Variants in RRP1 observed in about 807,000 individuals in gnomAD.
RRP1 encodes ribosomal RNA processing 1.
RRP1 carries 37 observed loss-of-function variants against 54.6 expected under a neutral mutation model. The observed-to-expected ratio is 0.68, with a 90% CI of 0.52 to 0.89. The LOEUF (loss-of-function observed/expected upper bound fraction) is 0.89, where lower values mean the gene tolerates loss of function less well. Among genes scored for constraint, RRP1 ranks in the 40% least tolerant of loss-of-function variants. RRP1 has a pLI of 0.00. For synonymous variants in RRP1, 262 were observed against 244.3 expected, an observed-to-expected ratio of 1.07 and a Z score of -0.67; for missense variants, 639 against 612.5, an observed-to-expected ratio of 1.04 and a Z score of -0.46.
At chr21:43,791,824 T>A (rs146566789) in intron 2 of RRP1, among the ~76,000 whole-genome samples, 59 of 152,288 alleles carry the variant, frequency 3.9e-4, no homozygotes, top group Non-Finnish European at 8.2e-4. Flanking sequence ...AGTTTTAATA[T>A]GGCCAGAGAC....
Position 43,802,265 on chromosome 21 carries a change from G to C in RRP1, c.1010-9G>C. 2 of 1,609,078 alleles carry C rather than the reference G, an allele frequency of 1.2e-6. No individual in the cohort carries two copies. Among genetic ancestry groups the C allele is most frequent in the Non-Finnish European group, 1.7e-6 (2 of 1,176,136 alleles). On this transcript the variant is annotated splice_polypyrimidine_tract_variant and intron_variant, in intron 11 of 12. Coordinates refer to ENST00000497547, the MANE Select transcript of RRP1 (RefSeq NM_003683.6). Reference sequence around the variant, plus strand: ...CCGAGAGCCCCCTGACTTCTGCCCTGGTTCTCAGGCATTTTCCCTGAAGAT... The same window carrying C: ...CCGAGAGCCCCCTGACTTCTGCCCTCGTTCTCAGGCATTTTCCCTGAAGAT...
intron 1 of RRP1, among the ~76,000 whole-genome samples, chr21:43,790,191 A>G (rs2084942397): frequency 6.6e-6 from 1 of 152,154 alleles, no homozygotes; most frequent in Non-Finnish European, 1.5e-5. Flanking sequence ...CCGAGAATCT[A>G]CTTCTTGTTC....
Position 43,792,725 on chromosome 21 carries a change from G to A in RRP1, c.270G>A (p.Glu90=), listed in dbSNP as rs2084973396. 6.2e-7 allele frequency: 1 copy of A among 1,614,148 alleles called. No individual in the cohort carries two copies. Among genetic ancestry groups the A allele is most frequent in the Non-Finnish European group, 8.5e-7 (1 of 1,180,004 alleles). ...SQLVHAFQTT[E]AQHLFLQAFW... ...TCGTTCATGCTTTTCAGACCACGGA[G>A]GCGCGTGAGTATGCTCTGCTGTAGT... Residue 90 remains glutamate, a synonymous_variant, in exon 3 of 13, where the codon GAG becomes GAA. Transcript: ENST00000497547.
Position 43,803,593 on chromosome 21 carries a change from C to T in RRP1, c.1205C>T (p.Ala402Val), listed in dbSNP as rs756802588. The T allele has an allele frequency of 1.7e-4, 270 of 1,552,130 alleles. 1 individual carries two copies. Among genetic ancestry groups the T allele is most frequent in the South Asian group, 1.3e-4 (11 of 84,206 alleles). ...AGGGGTGTAGGGGCCGACCCCGAGG[C>T]GCGGGCAGAGGCTGGTGAGCAGCCA... is the stretch of plus-strand genomic sequence containing the variant. ...RRRGVGADPEARAEAGEQPGT... is the reference protein window; with the variant it reads ...RRRGVGADPEVRAEAGEQPGT... Residue 402 changes from alanine (A) to valine (V), a missense_variant, in exon 13 of 13, where the codon GCG (alanine) becomes GTG (valine). Physicochemically the swap from Ala to Val is moderately conservative, Grantham distance 64 (BLOSUM62 0). Coordinates refer to ENST00000497547, the MANE Select transcript of RRP1 (RefSeq NM_003683.6).
intron 5 of RRP1, among the ~76,000 whole-genome samples, chr21:43,796,135 G>GT (rs955861028): frequency 1.7e-3 from 248 of 144,394 alleles, no homozygotes; most frequent in East Asian, 6.2e-3. Context: ...CTGGTTTTTT[G>GT]TTTTTTTTTT....
rs558770199 is a variant in RRP1, at chr21:43,795,400, A to C, written c.422+150A>C. The C allele has an allele frequency of 3.6e-4, 271 of 761,466 alleles. 1 individual carries two copies. In the Middle Eastern group the frequency reaches 5.3e-3, roughly 15 times the overall value. 47.2% of individuals were successfully genotyped at this position (761,466 alleles called of 1,614,324 possible). ...TTAGAGAGAAGATAGTTTTTAAAGTAAAAATCAGTTTGTGTGTTTGTGGAA... is the reference window on the plus strand; with the variant it reads ...TTAGAGAGAAGATAGTTTTTAAAGTCAAAATCAGTTTGTGTGTTTGTGGAA... On this transcript the variant is annotated intron_variant, in intron 5 of 12. Coordinates refer to ENST00000497547, the MANE Select transcript of RRP1 (RefSeq NM_003683.6).
intron 12 of RRP1, among the ~76,000 whole-genome samples, chr21:43,802,790 T>C (rs1220434001): frequency 6.6e-6 from 1 of 152,190 alleles, no homozygotes; most frequent in Non-Finnish European, 1.5e-5. Flanking sequence ...TCCACTTCTG[T>C]CCTTGATTTC....
At chr21:43,799,714 G>A in intron 9 of RRP1, 65 bp downstream of exon 9, 4 of 1,454,512 alleles carry the variant, frequency 2.8e-6, no homozygotes, top group Non-Finnish European at 2.8e-6. Flanking sequence ...GCTTGCTCTG[G>A]AAGAGGAGGG....
chr21:43,792,949 C>T, intron 3 of RRP1: 1 of 586,776 alleles, frequency 1.7e-6, no homozygotes, highest in South Asian at 2.1e-5. Context: ...TCATTTCGAG[C>T]CTAATGGGCT....
intron 8 of RRP1, among the ~76,000 whole-genome samples, chr21:43,798,919 C>T (rs1173939124): frequency 1.3e-5 from 2 of 151,696 alleles, no homozygotes; most frequent in African/African-American, 4.9e-5. Context: ...CCCACCGCCC[C>T]CAGCACTTGG....
intron 2 of RRP1, 108 bp downstream of exon 2, chr21:43,791,540 T>C: frequency 3.0e-6 from 3 of 1,015,430 alleles, no homozygotes; most frequent in Non-Finnish European, 4.4e-6. Flanking sequence ...TTCGCTCTTG[T>C]TGCCCAGGCT....
Position 43,803,918 on chromosome 21 carries a change from A to T in RRP1, c.*144A>T. ...GGGAGGGAAGGGCGGCACTGGAGAG[A>T]TGGGCCCATCATTAGGGGCCAGCAT... On this transcript the variant is annotated 3_prime_UTR_variant, in exon 13 of 13. Coordinates refer to ENST00000497547, the MANE Select transcript of RRP1 (RefSeq NM_003683.6). 2.0e-6 allele frequency: 2 copies of T among 1,007,762 alleles called. No homozygotes were observed. Among genetic ancestry groups the T allele is most frequent in the Non-Finnish European group, 2.8e-6 (2 of 710,646 alleles). The allele number at this position is 1,007,762 out of a possible 1,614,324, so 62.4% of individuals were successfully genotyped here. A position where few individuals can be genotyped will look rare whatever the true frequency, so the allele number is the denominator to read the frequency against.
Position 43,789,656 on chromosome 21 carries a change from T to C in RRP1, c.27T>C (p.Pro9=). 6.3e-7 allele frequency: 1 copy of C among 1,582,072 alleles called. No individual in the cohort carries two copies. The highest frequency in any genetic ancestry group is 8.6e-7 in the Non-Finnish European group (1 of 1,165,712). The part of the protein sequence containing the change: MVSRVQLP[P]EIQLAQRLAG... ...TGGTTTCGCGCGTGCAGCTCCCGCCTGAGATCCAGCTGGCTCAGCGCCTGG... is the reference window on the plus strand; with the variant it reads ...TGGTTTCGCGCGTGCAGCTCCCGCCCGAGATCCAGCTGGCTCAGCGCCTGG... The change falls in exon 1 of 13, where the codon CCT becomes CCC. Residue 9 remains proline (P), a synonymous_variant. Coordinates refer to ENST00000497547, the MANE Select transcript of RRP1 (RefSeq NM_003683.6).
Position 43,789,634 on chromosome 21 carries a change from T to C in RRP1, c.5T>C (p.Val2Ala), listed in dbSNP as rs1452399333. 2.5e-6 allele frequency: 4 copies of C among 1,586,716 alleles called. No individual in the cohort carries two copies. The East Asian group carries it at 9.4e-5, about 37-fold the overall frequency. Residue 2 changes from valine (V) to alanine (A), a missense_variant, in exon 1 of 13, where the codon GTT (valine) becomes GCT (alanine). Val to Ala is a moderately conservative substitution (Grantham distance 64, BLOSUM62 0). Coordinates refer to ENST00000497547, the MANE Select transcript of RRP1 (RefSeq NM_003683.6). M[V>A]SRVQLPPEIQ... Reference sequence around the variant, plus strand: ...GGGGTCTCGGCCGTCGGCGTCATGGTTTCGCGCGTGCAGCTCCCGCCTGAG... The same window carrying C: ...GGGGTCTCGGCCGTCGGCGTCATGGCTTCGCGCGTGCAGCTCCCGCCTGAG...
chr21:43,795,071 C>T (rs916314209), intron 4 of RRP1, 118 bp from the exon 5 acceptor site: 21 of 951,448 alleles, frequency 2.2e-5, no homozygotes, highest in Middle Eastern at 2.3e-4. Flanking sequence ...GTGCTGGGGC[C>T]GGCAGAGGTC....
Position 43,798,043 on chromosome 21 carries a change from G to A in RRP1, c.754G>A (p.Glu252Lys). ...EVASDSDESS[E>K]GGERGDALSQ... ...GGCGTCGGACAGTGATGAGTCCTCT[G>A]AGGGTGGTGAGCGTGGAGACGCGCT... The change falls in exon 8 of 13, where the codon GAG becomes AAG. Residue 252 changes from glutamate to lysine, a missense_variant. Physicochemically the swap from Glu to Lys is moderately conservative, Grantham distance 56 (BLOSUM62 1). Transcript: ENST00000497547. 6.2e-7 allele frequency: 1 copy of A among 1,614,158 alleles called. No individual in the cohort carries two copies. The highest frequency in any genetic ancestry group is 8.5e-7 in the Non-Finnish European group (1 of 1,180,012).
chr21:43,789,869 A>G, intron 1 of RRP1, 107 bp downstream of exon 1: 1 of 1,310,510 alleles, frequency 7.6e-7, no homozygotes, highest in Non-Finnish European at 9.9e-7. Context: ...TGGAACCTCC[A>G]CGTGGCCGGG....
intron 8 of RRP1, 59 bp from the exon 9 acceptor site, chr21:43,799,511 T>G: frequency 6.5e-7 from 1 of 1,533,598 alleles, no homozygotes. Context: ...CATTCCTGGA[T>G]GTTTGGGGCC....
rs201857663 is a variant in RRP1, at chr21:43,798,046, G to A, written c.757G>A (p.Gly253Ser). The stretch of plus-strand genomic sequence containing the variant: ...GTCGGACAGTGATGAGTCCTCTGAG[G>A]GTGGTGAGCGTGGAGACGCGCTGTC... ...VASDSDESSE[G>S]GERGDALSQK... Residue 253 changes from glycine (G) to serine (S), a missense_variant, in exon 8 of 13, where the codon GGT (glycine) becomes AGT (serine). By Grantham distance (56) the Gly-to-Ser change is moderately conservative. Coordinates refer to ENST00000497547, the MANE Select transcript of RRP1 (RefSeq NM_003683.6). The A allele has an allele frequency of 6.2e-7, 1 of 1,614,130 alleles. No homozygotes were observed. Among genetic ancestry groups the A allele is most frequent in the African/African-American group, 1.3e-5 (1 of 75,048 alleles).
Sources: gnomAD v4.1 joint callset for allele counts (sites outside exome capture counted in the v4.1 genomes callset) on GRCh38, gnomAD v4.1.1 for gene constraint, MANE v1.5 for transcripts, NCBI Gene and HGNC (gene_info 2026-07-23, HGNC 2026-07-21) for gene names.